VMP1: variants seen among roughly 807,000 people sequenced by gnomAD.
VMP1 encodes ectopic P-granules autophagy protein 3 homolog.
VMP1 carries 11 observed loss-of-function variants against 56.0 expected under a neutral mutation model. The observed-to-expected ratio is 0.20, with a 90% CI of 0.12 to 0.32. The LOEUF (loss-of-function observed/expected upper bound fraction) is 0.32, where lower values mean the gene tolerates loss of function less well. Among genes scored for constraint, VMP1 ranks in the 10% least tolerant of loss-of-function variants. VMP1 has a pLI of 1.00. For missense variants in VMP1, 296 were observed against 490.3 expected, an observed-to-expected ratio of 0.60 and a Z score of 3.74; for synonymous variants, 149 against 165.0, an observed-to-expected ratio of 0.90 and a Z score of 0.74.
At chr17:59,792,425 G>A (rs1408587874) in intron 7 of VMP1, among the ~76,000 whole-genome samples, 3 of 152,108 alleles carry the variant, frequency 2.0e-5, no homozygotes, top group East Asian at 1.9e-4. Context: ...TACAGACTTA[G>A]TTTTCATAGC....
At chr17:59,824,294 G>A (rs1322777084) in intron 10 of VMP1, among the ~76,000 whole-genome samples, 3 of 151,486 alleles carry the variant, frequency 2.0e-5, no homozygotes, top group South Asian at 2.1e-4. Context: ...GGCTGGGGCC[G>A]GGCATGATGG....
intron 8 of VMP1, among the ~76,000 whole-genome samples, chr17:59,810,019 C>T (rs1190748770): frequency 1.3e-5 from 2 of 152,098 alleles, no homozygotes; most frequent in African/African-American, 2.4e-5. Flanking sequence ...TTCATTCTTT[C>T]CTCAAATTTA....
chr17:59,768,710 C>T (rs183292096), intron 6 of VMP1, among the ~76,000 whole-genome samples: 10 of 149,926 alleles, frequency 6.7e-5, no homozygotes, highest in African/African-American at 2.5e-4. Flanking sequence ...TCACCGGGCG[C>T]GGTGGCTCAC....
intron 1 of VMP1, among the ~76,000 whole-genome samples, chr17:59,728,352 T>C (rs1422590975): frequency 6.6e-6 from 1 of 152,190 alleles, no homozygotes; most frequent in African/African-American, 2.4e-5. Flanking sequence ...TTAGTATTTG[T>C]TCAGTGAATA....
chr17:59,708,706 G>A (rs1295389915), intron 1 of VMP1, among the ~76,000 whole-genome samples: 2 of 152,162 alleles, frequency 1.3e-5, no homozygotes, highest in African/African-American at 4.8e-5. Flanking sequence ...TAATATTCCA[G>A]TTGCTACTAC....
chr17:59,744,904 C>G (rs562002264), intron 5 of VMP1, among the ~76,000 whole-genome samples: 1 of 151,606 alleles, frequency 6.6e-6, no homozygotes, highest in East Asian at 1.9e-4. Context: ...TGCAGAAAAG[C>G]AAAAGGAAAA....
rs112981445 is a variant in VMP1, at chr17:59,811,514, C to G, written c.796-156C>G. 2.8e-3 allele frequency among the ~76,000 whole-genome samples: 433 copies of G among 152,328 alleles called. 3 individuals are homozygous for G. Among genetic ancestry groups the G allele is most frequent in the African/African-American group, 9.4e-3 (390 of 41,578 alleles). ...CTTCTAGACACATTAGGATGTTTGC[C>G]TAACCTCCTTTTGAACAATCCAGTA... On this transcript the variant is annotated intron_variant, in intron 8 of 11. Transcript: ENST00000262291.
At chr17:59,712,453 G>A (rs780330359) in intron 1 of VMP1, among the ~76,000 whole-genome samples, 2 of 152,158 alleles carry the variant, frequency 1.3e-5, no homozygotes, top group Non-Finnish European at 2.9e-5. Context: ...GTTTCATGAT[G>A]TCTTTTAGCA....
intron 7 of VMP1, among the ~76,000 whole-genome samples, chr17:59,799,967 T>C (rs2037582793): frequency 6.7e-6 from 1 of 148,892 alleles, no homozygotes; most frequent in Non-Finnish European, 1.5e-5. Flanking sequence ...AAAAAAGGCT[T>C]ATTTAAAGAG....
intron 5 of VMP1, among the ~76,000 whole-genome samples, chr17:59,747,615 TG>T (rs201067994): frequency 0.02 from 3,051 of 151,780 alleles, 100 homozygotes; most frequent in African/African-American, 0.069. Flanking sequence ...TTCACCATGT[TG>T]GCCAGGCAGG....
intron 8 of VMP1, among the ~76,000 whole-genome samples, chr17:59,809,365 G>T (rs1392237993): frequency 7.4e-6 from 1 of 135,828 alleles, no homozygotes. Flanking sequence ...GGCCCAGGCT[G>T]GAGTGCAATG....
At chr17:59,837,100 G>A (rs1261502402) in intron 10 of VMP1, among the ~76,000 whole-genome samples, 1 of 152,016 alleles carries the variant, frequency 6.6e-6, no homozygotes, top group Non-Finnish European at 1.5e-5. Context: ...CTACTTGGGA[G>A]GCTGAGGCAG....
intron 9 of VMP1, among the ~76,000 whole-genome samples, chr17:59,815,938 CAATT>C (rs1265311438): frequency 6.6e-6 from 1 of 151,596 alleles, no homozygotes; most frequent in Non-Finnish European, 1.5e-5. Flanking sequence ...CATTCTAGCA[CAATT>C]AGTTTCTCCC....
chr17:59,837,969 T>C (rs2039034038), intron 10 of VMP1: 1 of 199,950 alleles, frequency 5.0e-6, no homozygotes, highest in East Asian at 1.2e-4. Context: ...CAGTATCAGC[T>C]GAGCTGACCT....
intron 7 of VMP1, 33 bp from the exon 8 acceptor site, chr17:59,808,762 TC>T: frequency 2.6e-6 from 4 of 1,549,920 alleles, no homozygotes; most frequent in Non-Finnish European, 3.6e-6. Flanking sequence ...TTTTCCTACT[TC>T]TCATTAATGT....
At chr17:59,734,752 AT>A (rs1436720813) in intron 2 of VMP1, among the ~76,000 whole-genome samples, 1 of 152,060 alleles carries the variant, frequency 6.6e-6, no homozygotes, top group Non-Finnish European at 1.5e-5. Flanking sequence ...ATAAAAATAA[AT>A]TTAAAACAAT....
At chr17:59,811,067 C>G (rs1598428186) in intron 8 of VMP1, among the ~76,000 whole-genome samples, 2 of 152,254 alleles carry the variant, frequency 1.3e-5, no homozygotes, top group East Asian at 3.8e-4. Flanking sequence ...TAAATTGTGT[C>G]ACATAGCCCT....
intron 5 of VMP1, among the ~76,000 whole-genome samples, chr17:59,749,550 A>G (rs2035562617): frequency 6.6e-6 from 1 of 150,638 alleles, no homozygotes; most frequent in Admixed American, 6.6e-5. Flanking sequence ...TTGCTCTGTC[A>G]CCCAAACTGG....
At chr17:59,806,715 C>CA (rs5821281) in intron 7 of VMP1, among the ~76,000 whole-genome samples, 69,264 of 120,582 alleles carry the variant, frequency 0.57, 17,557 homozygotes, top group Non-Finnish European at 0.59. Context: ...AAGTTTGTCT[C>CA]AAAAAAAAAA....
Sources: allele counts gnomAD v4.1 joint callset (sites outside exome capture counted in the v4.1 genomes callset), GRCh38; gene constraint gnomAD v4.1.1; transcripts MANE v1.5; gene names NCBI Gene and HGNC (gene_info 2026-07-23, HGNC 2026-07-21).